Variants in PUS7 observed in about 807,000 individuals in gnomAD.
PUS7 encodes the protein pseudouridylate synthase 7 homolog.
PUS7 carries 48 observed loss-of-function variants against 79.8 expected under a neutral mutation model. The observed-to-expected ratio is 0.60, with a 90% CI of 0.48 to 0.76. The LOEUF (loss-of-function observed/expected upper bound fraction) is 0.76. PUS7 is among the 30% of genes least tolerant of loss of function. The pLI is 0.00. For missense variants in PUS7, 729 were observed against 797.6 expected (o/e 0.91, Z 1.04); for synonymous variants, 286 against 272.2 (o/e 1.05, Z -0.50).
At chr7:105,470,937 A>G in intron 10 of PUS7, 89 bp from the exon 11 acceptor site, 2 of 1,363,078 alleles carry the variant, frequency 1.5e-6, no homozygotes, top group Admixed American at 5.4e-5. Context: ...ACACAAAATT[A>G]GAAAATGCTA....
chr7:105,464,217 T>C (rs1719147444), intron 13 of PUS7, among the ~76,000 whole-genome samples: 1 of 143,908 alleles, frequency 6.9e-6, no homozygotes, highest in Admixed American at 7.5e-5. Context: ...TTCTTTCTTA[T>C]GATAGTTGAT....
intron 6 of PUS7, among the ~76,000 whole-genome samples, chr7:105,492,659 C>T (rs559352300): frequency 2.0e-5 from 3 of 151,664 alleles, no homozygotes; most frequent in South Asian, 2.1e-4. Context: ...GCGCCCGCCA[C>T]TACGCCCGGC....
intron 1 of PUS7, among the ~76,000 whole-genome samples, chr7:105,516,314 C>G (rs1825891842): frequency 6.6e-6 from 1 of 152,150 alleles, no homozygotes; most frequent in Non-Finnish European, 1.5e-5. Flanking sequence ...TTTCTAAGTT[C>G]TGTCCTATAG....
intron 4 of PUS7, among the ~76,000 whole-genome samples, chr7:105,505,003 A>ATTTTTTTTTTTTT (rs112752687): frequency 3.2e-4 from 46 of 142,648 alleles, no homozygotes; most frequent in South Asian, 6.9e-4. Flanking sequence ...ATTTAACATA[A>ATTTTTTTTTTTTT]TTTTTTTTTT....
At chr7:105,490,096 G>C (rs1824720175) in intron 7 of PUS7, among the ~76,000 whole-genome samples, 1 of 149,982 alleles carries the variant, frequency 6.7e-6, no homozygotes, top group Non-Finnish European at 1.5e-5. Context: ...TCTAGCCTGG[G>C]TGACACAGCA....
chr7:105,477,257 A>T (rs951757764), intron 9 of PUS7, among the ~76,000 whole-genome samples: 9 of 148,856 alleles, frequency 6.0e-5, no homozygotes, highest in Admixed American at 1.3e-4. Flanking sequence ...TTATTTTATT[A>T]TTTTTTTTTT....
chr7:105,460,000 G>A (rs1395306579), intron 14 of PUS7, among the ~76,000 whole-genome samples: 7 of 152,076 alleles, frequency 4.6e-5, no homozygotes, highest in South Asian at 2.1e-4. Flanking sequence ...GTGTAGTGGC[G>A]TGATCTTGGC....
intron 5 of PUS7, 186 bp from the exon 6 acceptor site, chr7:105,495,439 T>A (rs1824973546): frequency 2.2e-6 from 1 of 458,534 alleles, no homozygotes; most frequent in Admixed American, 3.8e-5. Context: ...CTTAACATTA[T>A]CTATCCATAT....
intron 1 of PUS7, among the ~76,000 whole-genome samples, chr7:105,520,181 G>C (rs148136030): frequency 0.14 from 20,854 of 151,980 alleles, 1,852 homozygotes; most frequent in South Asian, 0.26. Context: ...AAAATTAGGC[G>C]GGGCGCGGTG....
At chr7:105,509,455 G>T (rs1825621242) in intron 1 of PUS7, among the ~76,000 whole-genome samples, 1 of 151,828 alleles carries the variant, frequency 6.6e-6, no homozygotes, top group Non-Finnish European at 1.5e-5. Flanking sequence ...TTAGCTCTAA[G>T]GATATTCATC....
chr7:105,517,268 C>T (rs1379059723), intron 1 of PUS7, among the ~76,000 whole-genome samples: 4 of 151,888 alleles, frequency 2.6e-5, no homozygotes, highest in Admixed American at 2.0e-4. Context: ...GTGATCCTCC[C>T]GCCTCAGCCT....
At chr7:105,479,031 A>G (rs528394595) in intron 9 of PUS7, among the ~76,000 whole-genome samples, 3 of 152,350 alleles carry the variant, frequency 2.0e-5, no homozygotes, top group African/African-American at 7.2e-5. Context: ...CCATAATACA[A>G]TTAGCATTTT....
chr7:105,500,951 C>T (rs144344795), intron 5 of PUS7, among the ~76,000 whole-genome samples: 23 of 152,316 alleles, frequency 1.5e-4, no homozygotes, highest in Middle Eastern at 3.4e-3. Flanking sequence ...CCAAGCAGTT[C>T]CAGGACACAT....
intron 9 of PUS7, among the ~76,000 whole-genome samples, chr7:105,479,215 C>T (rs1824221825): frequency 6.6e-6 from 1 of 152,140 alleles, no homozygotes; most frequent in Non-Finnish European, 1.5e-5. Context: ...AGCCTCAGAA[C>T]TCAAGTCTGT....
chr7:105,466,568 A>G (rs1269486733), intron 12 of PUS7, among the ~76,000 whole-genome samples: 5 of 152,106 alleles, frequency 3.3e-5, no homozygotes. Context: ...TAAAATTTTC[A>G]ATGAAAATTT....
chr7:105,474,204 A>ATTAAATGATCTAAAATGCTATTTGGTATC (rs1354266341), intron 9 of PUS7, among the ~76,000 whole-genome samples: 12 of 152,192 alleles, frequency 7.9e-5, no homozygotes, highest in African/African-American at 2.4e-4. Flanking sequence ...ATTTCTGGAT[A>ATTAAATGATCTAAAATGCTATTTGGTATC]TTAAATGATC....
chr7:105,462,572 A>C (rs192840746), intron 14 of PUS7, 49 bp downstream of exon 14: 1 of 1,602,360 alleles, frequency 6.2e-7, no homozygotes, highest in East Asian at 2.2e-5. Context: ...GCAAAAGCTT[A>C]CAACTTATAT....
intron 4 of PUS7, among the ~76,000 whole-genome samples, chr7:105,504,331 A>G (rs1283786554): frequency 6.6e-6 from 1 of 152,090 alleles, no homozygotes; most frequent in African/African-American, 2.4e-5. Context: ...TCGGCCTCCC[A>G]AAGTGCTGGG....
intron 1 of PUS7, among the ~76,000 whole-genome samples, chr7:105,520,529 A>AATAC (rs575552967): frequency 0.053 from 708 of 13,480 alleles, 7 homozygotes; most frequent in African/African-American, 0.061. Context: ...AAAATAAATA[A>AATAC]ATAAATAAAT....
Sources: gnomAD v4.1 joint callset for allele counts (sites outside exome capture counted in the v4.1 genomes callset) on GRCh38, gnomAD v4.1.1 for gene constraint, MANE v1.5 for transcripts, NCBI Gene and HGNC (gene_info 2026-07-23, HGNC 2026-07-21) for gene names.